The following MUSK variants were observed in gnomAD, a reference collection of about 807,000 sequenced individuals.
MUSK encodes the protein muscle, skeletal receptor tyrosine-protein kinase.
A neutral mutation model predicts 88.7 loss-of-function variants in MUSK; 55 were observed. The observed-to-expected ratio is 0.62, with a 90% CI of 0.50 to 0.78. The LOEUF (loss-of-function observed/expected upper bound fraction) is 0.78, where lower values mean the gene tolerates loss of function less well. Among genes scored for constraint, MUSK ranks in the 30% least tolerant of loss-of-function variants. The pLI is 0.00. For synonymous variants in MUSK, 387 were observed against 391.9 expected (o/e 0.99, Z 0.15); for missense variants, 1,015 against 1,074.3 (o/e 0.94, Z 0.77).
chr9:110,721,838 A>AC lies in MUSK; in HGVS notation c.629-12411dup, dbSNP rs199521534. ...GATGCATTACCTTACCCAACTTCAAACCATACTACAACGCCACAGACACCA... is the reference window on the plus strand; with the variant it reads ...GATGCATTACCTTACCCAACTTCAAACCCATACTACAACGCCACAGACACCA... On this transcript the variant is annotated intron_variant, in intron 5 of 14. Coordinates refer to ENST00000374448, the MANE Select transcript of MUSK (RefSeq NM_005592.4). 6.1e-3 allele frequency among the ~76,000 whole-genome samples: 923 copies of AC among 152,270 alleles called. 2 individuals are homozygous for AC. Among genetic ancestry groups the AC allele is most frequent in the Non-Finnish European group, 9.8e-3 (668 of 68,012 alleles).
rs138243817 is a variant in MUSK, at chr9:110,757,791, C to T, written c.914-4411C>T. On this transcript the variant is annotated intron_variant, in intron 7 of 14. Coordinates refer to ENST00000374448, the MANE Select transcript of MUSK (RefSeq NM_005592.4). Reference sequence around the variant, plus strand: ...TTCCTTTATTATAAGAGTCTATGAACTCTACATGTATGTGTATATATATAC... The same window carrying T: ...TTCCTTTATTATAAGAGTCTATGAATTCTACATGTATGTGTATATATATAC... Among the ~76,000 whole-genome samples the T allele has an allele frequency of 1.7e-3, 260 of 151,924 alleles. 3 individuals carry two copies. In the Middle Eastern group the frequency reaches 0.024, roughly 14 times the overall value.
chr9:110,766,602 A>G (rs192185523), intron 8 of MUSK, among the ~76,000 whole-genome samples: 1 of 152,366 alleles, frequency 6.6e-6, no homozygotes, highest in Admixed American at 6.5e-5. Context: ...AATTTGCTTT[A>G]AAGACCTGCC....
chr9:110,719,479 TA>T (rs1284324821), intron 5 of MUSK, among the ~76,000 whole-genome samples: 1 of 152,038 alleles, frequency 6.6e-6, no homozygotes, highest in Non-Finnish European at 1.5e-5. Flanking sequence ...CAATAGCAGT[TA>T]AGAAAGACAA....
intron 6 of MUSK, among the ~76,000 whole-genome samples, chr9:110,746,196 CCA>C (rs1430420573): frequency 6.6e-6 from 1 of 152,132 alleles, no homozygotes; most frequent in Non-Finnish European, 1.5e-5. Context: ...TCATTTCACT[CCA>C]GTTTCCCTCA....
intron 6 of MUSK, among the ~76,000 whole-genome samples, chr9:110,734,837 T>C (rs1246583797): frequency 6.6e-6 from 1 of 152,100 alleles, no homozygotes. Flanking sequence ...TTCCAAGCAC[T>C]TTACCTACAT....
chr9:110,755,843 C>T (rs1487452186), intron 7 of MUSK, among the ~76,000 whole-genome samples: 1 of 150,582 alleles, frequency 6.6e-6, no homozygotes, highest in African/African-American at 2.4e-5. Flanking sequence ...TTAGTTCTTT[C>T]TCTGTTAATT....
intron 1 of MUSK, among the ~76,000 whole-genome samples, chr9:110,674,450 A>G (rs559372734): frequency 6.6e-6 from 1 of 152,300 alleles, no homozygotes; most frequent in Admixed American, 6.5e-5. Context: ...CCTGCGGAAG[A>G]CAAAACTTGT....
chr9:110,734,270 G>C lies in MUSK; in HGVS notation c.648G>C (p.Arg216=), dbSNP rs1300154831. The C allele has an allele frequency of 2.5e-6, 4 of 1,612,680 alleles. No individual in the cohort carries two copies. Among genetic ancestry groups the C allele is most frequent in the Admixed American group, 3.3e-5 (2 of 59,838 alleles). ...LEVEVFARIL[R]APESHNVTFG... ...TAACAGTTTTTGCCAGGATCCTGCG[G>C]GCTCCTGAATCCCACAATGTCACCT... Residue 216 remains arginine (R), a synonymous_variant, in exon 6 of 15, where the codon CGG becomes CGC. Transcript: ENST00000374448.
intron 9 of MUSK, chr9:110,775,446 T>A (rs544967461): frequency 3.2e-6 from 1 of 310,964 alleles, no homozygotes; most frequent in Non-Finnish European, 6.1e-6. Context: ...AAACTCTGTA[T>A]ACCTTTTTCC....
At position 110,804,288 on chromosome 9, in the gene MUSK, T is replaced by C. The variant is rs1162240987; in HGVS notation, c.*3300T>C. On this transcript the variant is annotated 3_prime_UTR_variant, in exon 15 of 15. Coordinates refer to ENST00000374448, the MANE Select transcript of MUSK (RefSeq NM_005592.4). ...TTTATGAAAATTCAGAGAAAGGAAA[T>C]GTCTGGACCAAATGGCATGTACAAT... 6.6e-6 allele frequency among the ~76,000 whole-genome samples: 1 copy of C among 152,150 alleles called. No homozygotes were observed. Among genetic ancestry groups the C allele is most frequent in the Non-Finnish European group, 1.5e-5 (1 of 67,996 alleles).
At chr9:110,681,952 T>G (rs2076141222) in intron 1 of MUSK, among the ~76,000 whole-genome samples, 1 of 151,726 alleles carries the variant, frequency 6.6e-6, no homozygotes, top group Non-Finnish European at 1.5e-5. Flanking sequence ...CACAGAGGAG[T>G]GAGAAAAAAG....
intron 5 of MUSK, among the ~76,000 whole-genome samples, chr9:110,726,698 A>C (rs373721889): frequency 6.6e-6 from 1 of 152,202 alleles, no homozygotes; most frequent in Non-Finnish European, 1.5e-5. Context: ...AACCACTCTA[A>C]GTTACTTGGC....
At chr9:110,773,767 G>T (rs1246035804) in intron 9 of MUSK, among the ~76,000 whole-genome samples, 1 of 152,084 alleles carries the variant, frequency 6.6e-6, no homozygotes, top group East Asian at 1.9e-4. Context: ...CAAAACTGTG[G>T]ACTCTGACCA....
chr9:110,800,534 G>C lies in MUSK; in HGVS notation c.2156G>C (p.Arg719Pro). Residue 719 changes from arginine (R) to proline (P), a missense_variant, in exon 15 of 15, where the codon CGT becomes CCT. Arg to Pro is a moderately radical substitution (Grantham distance 103). Coordinates refer to ENST00000374448, the MANE Select transcript of MUSK (RefSeq NM_005592.4). ...VAAGMAYLSE[R>P]KFVHRDLATR... ...GCTGGCATGGCTTACCTCTCAGAAC[G>C]TAAGTTTGTTCACCGAGATTTAGCC... is the stretch of plus-strand genomic sequence containing the variant. 1 of 1,613,800 alleles carries C rather than the reference G, an allele frequency of 6.2e-7. No individual in the cohort carries two copies. Among genetic ancestry groups the C allele is most frequent in the Non-Finnish European group, 8.5e-7 (1 of 1,179,826 alleles).
At chr9:110,703,564 G>A (rs1217649652) in intron 5 of MUSK, among the ~76,000 whole-genome samples, 3 of 151,686 alleles carry the variant, frequency 2.0e-5, no homozygotes, top group East Asian at 3.9e-4. Flanking sequence ...AAATTAGGAA[G>A]ACAGGCGGTT....
intron 7 of MUSK, among the ~76,000 whole-genome samples, chr9:110,752,657 C>A (rs1409058797): frequency 4.6e-5 from 7 of 152,202 alleles, no homozygotes; most frequent in Admixed American, 4.6e-4. Context: ...TCTACTCCAT[C>A]TGTTTATTTG....
chr9:110,684,963 C>T (rs949873770), intron 2 of MUSK, among the ~76,000 whole-genome samples: 1 of 152,050 alleles, frequency 6.6e-6, no homozygotes, highest in Non-Finnish European at 1.5e-5. Flanking sequence ...ATATCTTTCT[C>T]TTGTCTGATT....
intron 3 of MUSK, among the ~76,000 whole-genome samples, chr9:110,693,245 T>G (rs1003821816): frequency 6.6e-6 from 1 of 152,216 alleles, no homozygotes; most frequent in African/African-American, 2.4e-5. Context: ...ATTTGGGTTC[T>G]ATACTAAATC....
At chr9:110,702,036 C>T (rs1012711872) in intron 5 of MUSK, among the ~76,000 whole-genome samples, 4 of 150,812 alleles carry the variant, frequency 2.7e-5, no homozygotes, top group Non-Finnish European at 4.4e-5. Flanking sequence ...AGCTACCATG[C>T]CCAGCCATAC....
Sources: gnomAD v4.1 joint callset for allele counts (sites outside exome capture counted in the v4.1 genomes callset) on GRCh38, gnomAD v4.1.1 for gene constraint, MANE v1.5 for transcripts, NCBI Gene and HGNC (gene_info 2026-07-23, HGNC 2026-07-21) for gene names.